Variants in SLC38A10 observed in about 807,000 individuals in gnomAD.
The protein encoded by SLC38A10 is Sodium-coupled neutral amino acid transporter 10.
Under a neutral mutation model 81.0 loss-of-function variants are expected in SLC38A10, and 53 were observed. The ratio of observed to expected loss-of-function variants is 0.65; its 90% confidence interval spans 0.53 to 0.82. The LOEUF (loss-of-function observed/expected upper bound fraction) is 0.82. Among genes scored for constraint, SLC38A10 ranks in the 40% least tolerant of loss-of-function variants. The pLI, the probability that SLC38A10 is intolerant of heterozygous loss-of-function variation, is 0.00. For missense variants in SLC38A10, 1,471 were observed against 1,545.0 expected (o/e 0.95, Z 0.80); for synonymous variants, 665 against 655.3 (o/e 1.01, Z -0.23).
intron 11 of SLC38A10, among the ~76,000 whole-genome samples, chr17:81,256,836 G>A (rs914066278): frequency 1.3e-5 from 2 of 152,244 alleles, no homozygotes; most frequent in Non-Finnish European, 2.9e-5. Context: ...CTTTGCGAAT[G>A]TGAGGGGGAA....
At position 81,245,808 on chromosome 17, in the gene SLC38A10, C is replaced by A; in HGVS notation, c.3108G>T (p.Lys1036Asn). ...CCTGCAGTTTCAGGTCCCGGTTGGG[C>A]TTGGCATTGTCCGGCCTCTGGCCCC... ...VPGGQRPDNA[K>N]PNRDLKLQAG... The change falls in exon 16 of 16, where the codon AAG (lysine) becomes AAT (asparagine). Residue 1036 changes from lysine (K) to asparagine (N), a missense_variant. By Grantham distance (94) the Lys-to-Asn change is moderately conservative. Around this residue, in one of 2 missense-constraint regions of SLC38A10, gnomAD observed 751 missense variants for 717.4 expected, o/e 1.05. Transcript: ENST00000374759. 6.2e-7 allele frequency: 1 copy of A among 1,608,226 alleles called. No homozygotes were observed. The highest frequency in any genetic ancestry group is 2.2e-5 in the East Asian group (1 of 44,714).
rs1373950744 is a variant in SLC38A10 at position 81,276,660 on chromosome 17, G to A, written c.729+371C>T. Among the ~76,000 whole-genome samples, 1 of 152,150 alleles carries A rather than the reference G, an allele frequency of 6.6e-6. No individual in the cohort carries two copies. Among genetic ancestry groups the A allele is most frequent in the Non-Finnish European group, 1.5e-5 (1 of 68,038 alleles). ...CCACCTCGGTCTCCCAAAGTGCTGG[G>A]ATTACAGGTGTGAGCAACGGCGCCC... On this transcript the variant is annotated intron_variant, in intron 7 of 15. Transcript: ENST00000374759. This position sits in a 1 kb window ranked among gnomAD's most constrained non-coding sequence, Gnocchi z 4.7.
chr17:81,273,780 G>C, intron 8 of SLC38A10, among the ~76,000 whole-genome samples: 1 of 152,194 alleles, frequency 6.6e-6, no homozygotes. Context: ...GGTTAGCCAC[G>C]AGAGGTCAAG....
chr17:81,294,677 G>T (rs1380156990), intron 1 of SLC38A10, 146 bp downstream of exon 1: 1 of 594,334 alleles, frequency 1.7e-6, no homozygotes, highest in Non-Finnish European at 2.7e-6. Context: ...AACTGCGCCG[G>T]GACCCAGAGG....
At chr17:81,282,469 G>A (rs907598260) in intron 4 of SLC38A10, 137 bp from the exon 5 acceptor site, 3 of 1,237,638 alleles carry the variant, frequency 2.4e-6, no homozygotes, top group East Asian at 2.6e-5. Flanking sequence ...CGGGTCTGAG[G>A]CTGGCACACT....
chr17:81,258,317 G>A (rs1258741842), intron 11 of SLC38A10, among the ~76,000 whole-genome samples: 2 of 152,200 alleles, frequency 1.3e-5, no homozygotes, highest in Admixed American at 6.5e-5. Context: ...GGGGGAGCCG[G>A]GGGCTGGAAA....
At chr17:81,284,215 G>A (rs564742943) in intron 3 of SLC38A10, among the ~76,000 whole-genome samples, 11 of 152,018 alleles carry the variant, frequency 7.2e-5, no homozygotes, top group African/African-American at 2.4e-4. Context: ...AAAATTAGCT[G>A]GGCCTGGTGG....
At chr17:81,269,076 C>T (rs569028418) in intron 10 of SLC38A10, among the ~76,000 whole-genome samples, 3 of 152,156 alleles carry the variant, frequency 2.0e-5, no homozygotes, top group African/African-American at 7.2e-5. Context: ...GGAGATATAA[C>T]CAACTTCAAT....
chr17:81,287,977 G>A (rs1190987432), intron 2 of SLC38A10, among the ~76,000 whole-genome samples: 1 of 152,242 alleles, frequency 6.6e-6, no homozygotes, highest in African/African-American at 2.4e-5. Context: ...GGTGCCTCCT[G>A]GCATCCGGTA....
intron 5 of SLC38A10, 119 bp from the exon 6 acceptor site, chr17:81,280,852 C>T: frequency 7.3e-7 from 1 of 1,363,426 alleles, no homozygotes; most frequent in Non-Finnish European, 9.7e-7. Flanking sequence ...CCACCCACAT[C>T]CCAGCCCCCC....
intron 8 of SLC38A10, among the ~76,000 whole-genome samples, chr17:81,274,006 C>T (rs903536892): frequency 3.3e-5 from 5 of 152,220 alleles, no homozygotes; most frequent in Admixed American, 6.5e-5. Flanking sequence ...AAGGGGGTTG[C>T]GTAAGCTTTC....
intron 1 of SLC38A10, among the ~76,000 whole-genome samples, chr17:81,291,191 A>C (rs1031272412): frequency 6.6e-6 from 1 of 151,696 alleles, no homozygotes; most frequent in East Asian, 1.9e-4. Flanking sequence ...GCTCAAACAC[A>C]TAAGTCCGGC....
rs1387224483 is a variant in SLC38A10, at chr17:81,281,048, A to G, written c.502-315T>C. On this transcript the variant is annotated intron_variant, in intron 5 of 15. Coordinates refer to ENST00000374759, the MANE Select transcript of SLC38A10 (RefSeq NM_001037984.3). The surrounding 1 kb of genome is among the most constrained non-coding windows in gnomAD (Gnocchi z 5.3). ...GAGACCACTGAGCATGCATGGCCCC[A>G]GTTTCCGTCGGTTACAGAGGCTGGT... Among the ~76,000 whole-genome samples the G allele has an allele frequency of 6.6e-6, 1 of 152,222 alleles. No homozygotes were observed. Among genetic ancestry groups the G allele is most frequent in the Non-Finnish European group, 1.5e-5 (1 of 68,038 alleles).
At position 81,271,121 on chromosome 17, in the gene SLC38A10, A is replaced by G. The variant is rs541472416; in HGVS notation, c.1025-97T>C. 7 of 982,906 alleles carry G rather than the reference A, an allele frequency of 7.1e-6. No homozygotes were observed. The East Asian group carries it at 1.8e-4, about 25-fold the overall frequency. The allele number at this position is 982,906 out of a possible 1,614,324, so 60.9% of individuals were successfully genotyped here. A position where few individuals can be genotyped will look rare whatever the true frequency, so the allele number is the denominator to read the frequency against. ...CCTGCACACGGGTGAGCAAGCCAGC[A>G]TTGAAGGAAATGCCGTCTAGGCGTG... On this transcript the variant is annotated intron_variant, in intron 9 of 15. Coordinates refer to ENST00000374759, the MANE Select transcript of SLC38A10 (RefSeq NM_001037984.3).
At chr17:81,269,752 A>G (rs564445110) in intron 10 of SLC38A10, among the ~76,000 whole-genome samples, 1 of 152,168 alleles carries the variant, frequency 6.6e-6, no homozygotes, top group African/African-American at 2.4e-5. Context: ...TGGGAGGTGG[A>G]GGCGGGTGGA....
chr17:81,261,800 C>T (rs1454645940), intron 10 of SLC38A10, among the ~76,000 whole-genome samples: 2 of 152,338 alleles, frequency 1.3e-5, no homozygotes, highest in South Asian at 2.1e-4. Flanking sequence ...AGCCCAAAGC[C>T]CCTCTGGCAG....
intron 10 of SLC38A10, among the ~76,000 whole-genome samples, chr17:81,261,089 C>T (rs967390413): frequency 6.6e-6 from 1 of 152,258 alleles, no homozygotes; most frequent in African/African-American, 2.4e-5. Flanking sequence ...GACCTCCAGG[C>T]ACTCTTTGCC....
At chr17:81,272,495 A>G (rs200137028) in intron 9 of SLC38A10, 21 bp downstream of exon 9, 14 of 1,543,990 alleles carry the variant, frequency 9.1e-6, no homozygotes, top group Non-Finnish European at 1.0e-5. Context: ...CCCCGGCAAC[A>G]GGGCAGCCCT....
In SLC38A10 at chr17:81,276,946, C is replaced by T. The variant is rs1349574098; in HGVS notation, c.729+85G>A. On this transcript the variant is annotated intron_variant, in intron 7 of 15. Transcript: ENST00000374759. The surrounding 1 kb of genome is among the most constrained non-coding windows in gnomAD (Gnocchi z 4.7). ...AACCCAGCAGCACACAGGGCCAGGG[C>T]CATGCCTGTGGCAGTCCCACGGGGC... is the stretch of plus-strand genomic sequence containing the variant. The T allele has an allele frequency of 2.2e-6, 3 of 1,355,348 alleles. No homozygotes were observed. The highest frequency in any genetic ancestry group is 2.9e-5 in the African/African-American group (2 of 69,624). 84.0% of individuals were successfully genotyped at this position (1,355,348 alleles called of 1,614,324 possible).
Sources: allele counts gnomAD v4.1 joint callset (sites outside exome capture counted in the v4.1 genomes callset), GRCh38; gene constraint gnomAD v4.1.1; regional missense constraint gnomAD v4.1.1; non-coding constraint Gnocchi (gnomAD v3.1); transcripts MANE v1.5; gene names NCBI Gene and HGNC (gene_info 2026-07-23, HGNC 2026-07-21).